RPH3AL: variants seen among roughly 807,000 people sequenced by gnomAD.
The protein encoded by RPH3AL is rab effector Noc2.
RPH3AL carries 38 observed loss-of-function variants against 43.1 expected under a neutral mutation model. That is an observed-to-expected ratio of 0.88 (90% CI 0.68 to 1.15). The LOEUF (loss-of-function observed/expected upper bound fraction) is 1.15. Among genes scored for constraint, RPH3AL ranks in the 50% most tolerant of loss-of-function variants. The pLI, the probability that RPH3AL is intolerant of heterozygous loss-of-function variation, is 0.00. For synonymous variants in RPH3AL, 189 were observed against 176.3 expected (o/e 1.07, Z -0.57); for missense variants, 462 against 423.2 (o/e 1.09, Z -0.81).
chr17:238,256 GAGAGAA>G (rs2041448742), intron 7 of RPH3AL, among the ~76,000 whole-genome samples: 2 of 151,602 alleles, frequency 1.3e-5, no homozygotes, highest in Non-Finnish European at 2.9e-5. Flanking sequence ...CAGAAAGAGA[GAGAGAA>G]AGAGAAAAAG....
At chr17:280,574 G>A (rs1033486542) in intron 6 of RPH3AL, among the ~76,000 whole-genome samples, 4 of 152,182 alleles carry the variant, frequency 2.6e-5, no homozygotes, top group Non-Finnish European at 5.9e-5. Flanking sequence ...GAAACAGAGA[G>A]AAACGGACTA....
chr17:305,856 C>A (rs958291434), intron 5 of RPH3AL, among the ~76,000 whole-genome samples: 1 of 150,012 alleles, frequency 6.7e-6, no homozygotes, highest in Non-Finnish European at 1.5e-5. Context: ...CTCCCTCCCT[C>A]CCTCCTTTCT....
intron 5 of RPH3AL, among the ~76,000 whole-genome samples, chr17:301,560 C>A (rs2043328304): frequency 6.6e-6 from 1 of 152,174 alleles, no homozygotes; most frequent in Admixed American, 6.5e-5. Context: ...CTGCCTTGGC[C>A]TCCCAAGTAG....
In RPH3AL at chr17:298,704, C is replaced by CAAA. The variant is rs745555861; in HGVS notation, c.352-16853_352-16851dup. Among the ~76,000 whole-genome samples, 216 of 36,320 alleles carry CAAA rather than the reference C, an allele frequency of 5.9e-3. 4 individuals are homozygous for CAAA. Among genetic ancestry groups the CAAA allele is most frequent in the South Asian group, 0.016 (12 of 740 alleles). 23.8% of individuals were successfully genotyped at this position (36,320 alleles called of 152,430 possible). ...TGGGTGACAAAGGGAGATGTTATCTCAAAAAAAAAAAAAAACTCCCAGCCA... is the reference window on the plus strand; with the variant it reads ...TGGGTGACAAAGGGAGATGTTATCTCAAAAAAAAAAAAAAAAAACTCCCAGCCA... On this transcript the variant is annotated intron_variant, in intron 5 of 9. Transcript: ENST00000331302.
intron 7 of RPH3AL, among the ~76,000 whole-genome samples, chr17:233,927 T>C (rs2041294795): frequency 9.2e-6 from 1 of 108,486 alleles, no homozygotes; most frequent in South Asian, 3.8e-4. Context: ...CCTGACCAAC[T>C]TCCCTGAGCA....
chr17:286,769 A>G (rs1246405516), intron 5 of RPH3AL, among the ~76,000 whole-genome samples: 1 of 152,172 alleles, frequency 6.6e-6, no homozygotes, highest in African/African-American at 2.4e-5. Context: ...GGATTTGCCC[A>G]GGGCAAGCGA....
At chr17:271,193 C>G (rs2042455124) in intron 6 of RPH3AL, among the ~76,000 whole-genome samples, 1 of 152,168 alleles carries the variant, frequency 6.6e-6, no homozygotes, top group Admixed American at 6.5e-5. Flanking sequence ...GTAGTATAGT[C>G]TGAAATCAGG....
intron 4 of RPH3AL, 90 bp from the exon 5 acceptor site, chr17:319,639 C>A: frequency 6.7e-7 from 1 of 1,492,820 alleles, no homozygotes; most frequent in South Asian, 1.2e-5. Flanking sequence ...GCCACATGTG[C>A]TGTCCCCTCA....
At chr17:306,156 C>T (rs1336722072) in intron 5 of RPH3AL, among the ~76,000 whole-genome samples, 5 of 151,936 alleles carry the variant, frequency 3.3e-5, no homozygotes, top group East Asian at 1.9e-4. Flanking sequence ...CCACTGCGCC[C>T]GACTTCCCCA....
intron 5 of RPH3AL, among the ~76,000 whole-genome samples, chr17:298,972 C>T (rs897479119): frequency 6.6e-6 from 1 of 151,674 alleles, no homozygotes; most frequent in African/African-American, 2.4e-5. Context: ...AGTCAGCAGG[C>T]TGCAGCCGGG....
chr17:250,617 C>A (rs1555542163), intron 6 of RPH3AL, among the ~76,000 whole-genome samples: 3 of 145,488 alleles, frequency 2.1e-5, no homozygotes, highest in Non-Finnish European at 4.5e-5. Flanking sequence ...TACTAAGCTC[C>A]CTCGCTGCGG....
chr17:347,401 T>A (rs1195127890), intron 1 of RPH3AL, among the ~76,000 whole-genome samples: 1 of 152,098 alleles, frequency 6.6e-6, no homozygotes, highest in Non-Finnish European at 1.5e-5. Context: ...GGTAGCACAG[T>A]GGGACTTTGT....
chr17:293,322 T>TG (rs1166091432), intron 5 of RPH3AL, among the ~76,000 whole-genome samples: 2 of 152,214 alleles, frequency 1.3e-5, no homozygotes, highest in Non-Finnish European at 2.9e-5. Context: ...CAGCATCAGC[T>TG]GTTGACTATT....
At chr17:294,590 A>G (rs1280920526) in intron 5 of RPH3AL, among the ~76,000 whole-genome samples, 1 of 142,562 alleles carries the variant, frequency 7.0e-6, no homozygotes, top group African/African-American at 2.6e-5. Flanking sequence ...ATGGATGGAC[A>G]GAGGGAATGC....
At chr17:233,852 T>TCCCCGAGCAGGGAGCGGCTACTTA (rs1555534098) in intron 7 of RPH3AL, among the ~76,000 whole-genome samples, 1 of 137,850 alleles carries the variant, frequency 7.3e-6, no homozygotes. Context: ...CTGACCAACT[T>TCCCCGAGCAGGGAGCGGCTACTTA]CCCTGAGCAG....
At chr17:351,249 C>T (rs2045348507) in intron 1 of RPH3AL, among the ~76,000 whole-genome samples, 1 of 152,118 alleles carries the variant, frequency 6.6e-6, no homozygotes, top group South Asian at 2.1e-4. Context: ...TTACCTGGGC[C>T]CTTAACTGGT....
chr17:272,662 C>G lies in RPH3AL; in HGVS notation c.438+9106G>C, dbSNP rs550630981. Reference sequence around the variant, plus strand: ...GGAGATATACCTAATGCTAAAATGACGAGTTAATGGGTGCAGCACACCAAC... The same window carrying G: ...GGAGATATACCTAATGCTAAAATGAGGAGTTAATGGGTGCAGCACACCAAC... On this transcript the variant is annotated intron_variant, in intron 6 of 9. Transcript: ENST00000331302. Among the ~76,000 whole-genome samples, 424 of 149,308 alleles carry G rather than the reference C, an allele frequency of 2.8e-3. 2 individuals are homozygous for G. Among genetic ancestry groups the G allele is most frequent in the Middle Eastern group, 0.021 (6 of 286 alleles).
At chr17:297,951 C>G (rs1362430815) in intron 5 of RPH3AL, among the ~76,000 whole-genome samples, 1 of 152,176 alleles carries the variant, frequency 6.6e-6, no homozygotes, top group Non-Finnish European at 1.5e-5. Context: ...AACATGCAAA[C>G]TTCCCTCCCT....
intron 5 of RPH3AL, among the ~76,000 whole-genome samples, chr17:316,282 G>T (rs1396407674): frequency 1.3e-4 from 2 of 15,682 alleles, no homozygotes; most frequent in Non-Finnish European, 2.9e-4. Flanking sequence ...CTCCAGTGAT[G>T]CGTAGTCTCT....
Sources: allele counts gnomAD v4.1 joint callset (sites outside exome capture counted in the v4.1 genomes callset), GRCh38; gene constraint gnomAD v4.1.1; transcripts MANE v1.5; gene names NCBI Gene and HGNC (gene_info 2026-07-23, HGNC 2026-07-21).